Variants in ACSM1 observed in about 807,000 individuals in gnomAD.
ACSM1 encodes the protein acyl-CoA synthetase medium chain family member 1, also known as acyl-coenzyme A synthetase ACSM1, mitochondrial.
Under a neutral mutation model 75.8 loss-of-function variants are expected in ACSM1, and 79 were observed. The observed-to-expected ratio is 1.04, with a 90% confidence interval of 0.87 to 1.26. The LOEUF (loss-of-function observed/expected upper bound fraction) is 1.26. ACSM1 is among the 50% of genes most tolerant of loss of function. The probability of loss-of-function intolerance (pLI) is 0.00; values close to 1 mark genes in which losing one functional copy is unlikely to be tolerated. For synonymous variants in ACSM1, 279 were observed against 265.8 expected, an observed-to-expected ratio of 1.05 and a Z score of -0.48; for missense variants, 676 against 720.1, an observed-to-expected ratio of 0.94 and a Z score of 0.70.
intron 9 of ACSM1, 193 bp downstream of exon 9, chr16:20,637,178 G>A (rs1446802253): frequency 3.9e-6 from 3 of 765,944 alleles, no homozygotes; most frequent in Admixed American, 1.7e-5. Flanking sequence ...TGGCTGCCAG[G>A]GTCAGCGGTG....
intron 7 of ACSM1, among the ~76,000 whole-genome samples, 171 bp downstream of exon 7, chr16:20,661,623 T>C (rs1355697232): frequency 6.6e-6 from 1 of 152,188 alleles, no homozygotes; most frequent in Non-Finnish European, 1.5e-5. Flanking sequence ...GAGTTTCCTT[T>C]GGATCTCTGG....
At chr16:20,657,309 T>C (rs926303532) in intron 7 of ACSM1, among the ~76,000 whole-genome samples, 7 of 152,064 alleles carry the variant, frequency 4.6e-5, no homozygotes, top group Non-Finnish European at 1.0e-4. Flanking sequence ...GTTTTGTTTT[T>C]TGTTTTTTGT....
At chr16:20,687,459 A>G (rs1489033836) in intron 2 of ACSM1, among the ~76,000 whole-genome samples, 1 of 152,166 alleles carries the variant, frequency 6.6e-6, no homozygotes, top group Non-Finnish European at 1.5e-5. Flanking sequence ...CCTTCACACT[A>G]TGAAGATTAG....
chr16:20,683,727 T>TTCTC (rs1363980699), intron 3 of ACSM1, among the ~76,000 whole-genome samples: 3 of 150,618 alleles, frequency 2.0e-5, no homozygotes, highest in Non-Finnish European at 4.4e-5. Context: ...CTTTCTTTCT[T>TTCTC]TCTTTCTTTC....
intron 10 of ACSM1, among the ~76,000 whole-genome samples, chr16:20,630,956 T>G (rs2017304952): frequency 6.6e-6 from 1 of 152,194 alleles, no homozygotes; most frequent in Admixed American, 6.5e-5. Context: ...CGAGGAAATT[T>G]AGAAATTATC....
At chr16:20,653,249 T>A (rs1325178555) in intron 7 of ACSM1, among the ~76,000 whole-genome samples, 3 of 152,210 alleles carry the variant, frequency 2.0e-5, no homozygotes, top group African/African-American at 7.2e-5. Context: ...TGATGGGACA[T>A]ATCTCAAAAT....
intron 5 of ACSM1, among the ~76,000 whole-genome samples, chr16:20,670,330 T>C (rs1217768355): frequency 6.6e-6 from 1 of 152,232 alleles, no homozygotes. Flanking sequence ...CCAGCAGATC[T>C]GGTCCACTCT....
chr16:20,659,734 C>G (rs1412913656), intron 7 of ACSM1, among the ~76,000 whole-genome samples: 2 of 152,230 alleles, frequency 1.3e-5, no homozygotes, highest in East Asian at 3.9e-4. Context: ...GAACCAGGCA[C>G]CCCTTTTAAG....
intron 2 of ACSM1, among the ~76,000 whole-genome samples, 156 bp downstream of exon 2, chr16:20,690,841 G>A (rs1304299875): frequency 6.6e-6 from 1 of 152,202 alleles, no homozygotes; most frequent in Non-Finnish European, 1.5e-5. Context: ...AAATGGCCAG[G>A]CTGGGAATAG....
chr16:20,643,533 G>A (rs1298549013), intron 7 of ACSM1, among the ~76,000 whole-genome samples: 1 of 152,192 alleles, frequency 6.6e-6, no homozygotes, highest in East Asian at 1.9e-4. Context: ...CAGGAATGAA[G>A]CTGCAGACCC....
At chr16:20,670,859 C>T (rs1447540641) in intron 5 of ACSM1, among the ~76,000 whole-genome samples, 1 of 152,140 alleles carries the variant, frequency 6.6e-6, no homozygotes, top group Non-Finnish European at 1.5e-5. Context: ...CGGGTTAATA[C>T]AAAAAGACAT....
At position 20,682,469 on chromosome 16, in the gene ACSM1, G is replaced by T; in HGVS notation, c.404-6C>A. On this transcript the variant is annotated splice_polypyrimidine_tract_variant and splice_region_variant and intron_variant, in intron 3 of 13. Coordinates refer to ENST00000520010, the MANE Select transcript of ACSM1 (RefSeq NM_001318890.3). ...CGCAGGAATGAAGATGATCCCTGGG[G>T]ATGAGAAAGGAACTGATTGTTTTGG... 6.2e-7 allele frequency: 1 copy of T among 1,611,148 alleles called. No homozygotes were observed. The highest frequency in any genetic ancestry group is 8.5e-7 in the Non-Finnish European group (1 of 1,177,860).
chr16:20,629,612 T>C (rs1202763896), intron 10 of ACSM1, among the ~76,000 whole-genome samples: 1 of 152,198 alleles, frequency 6.6e-6, no homozygotes, highest in East Asian at 1.9e-4. Context: ...GGAGTAAGCT[T>C]TCCAATCCAA....
intron 6 of ACSM1, among the ~76,000 whole-genome samples, chr16:20,665,356 C>G (rs1452917578): frequency 6.6e-6 from 1 of 152,048 alleles, no homozygotes; most frequent in East Asian, 1.9e-4. Context: ...TTCTCAGAGA[C>G]TATTATGAAC....
intron 12 of ACSM1, 92 bp downstream of exon 12, chr16:20,625,331 C>A: frequency 1.6e-6 from 2 of 1,283,916 alleles, no homozygotes; most frequent in Non-Finnish European, 1.1e-6. Context: ...TGCCCTTCCA[C>A]CAAGGCTGCA....
intron 10 of ACSM1, among the ~76,000 whole-genome samples, chr16:20,633,407 C>A (rs964148132): frequency 6.6e-6 from 1 of 152,040 alleles, no homozygotes; most frequent in African/African-American, 2.4e-5. Flanking sequence ...ATTAAGAAAG[C>A]AATTCTATTT....
At chr16:20,643,884 T>C (rs905333917) in intron 7 of ACSM1, among the ~76,000 whole-genome samples, 2 of 152,116 alleles carry the variant, frequency 1.3e-5, no homozygotes, top group African/African-American at 4.8e-5. Context: ...AAAGTGCTGA[T>C]TGGTGAATTT....
intron 7 of ACSM1, 59 bp from the exon 8 acceptor site, chr16:20,640,643 G>A: frequency 6.2e-7 from 1 of 1,610,216 alleles, no homozygotes; most frequent in Non-Finnish European, 8.5e-7. Context: ...TGCATTCAGA[G>A]CTCTTAAGTC....
chr16:20,664,570 A>T (rs1047132819), intron 6 of ACSM1, among the ~76,000 whole-genome samples: 5 of 152,182 alleles, frequency 3.3e-5, no homozygotes, highest in African/African-American at 9.6e-5. Flanking sequence ...CTTCAACAAC[A>T]CACTGAAAAT....
Sources: allele counts gnomAD v4.1 joint callset (sites outside exome capture counted in the v4.1 genomes callset), GRCh38; gene constraint gnomAD v4.1.1; transcripts MANE v1.5; gene names NCBI Gene and HGNC (gene_info 2026-07-23, HGNC 2026-07-21).